RALA: variants seen among roughly 807,000 people sequenced by gnomAD.
The protein encoded by RALA is ras-related protein Ral-A.
RALA carries 5 observed loss-of-function variants against 24.0 expected under a neutral mutation model. The ratio of observed to expected loss-of-function variants is 0.21; its 90% CI spans 0.11 to 0.44. The LOEUF (loss-of-function observed/expected upper bound fraction) is 0.44. Ranked by LOEUF, RALA falls within the 20% of genes least tolerant of loss-of-function variation. The pLI, the probability that RALA is intolerant of heterozygous loss-of-function variation, is 0.99. For missense variants in RALA, 95 were observed against 241.2 expected (o/e 0.39, Z 4.01); for synonymous variants, 77 against 83.8 (o/e 0.92, Z 0.44).
intron 1 of RALA, among the ~76,000 whole-genome samples, chr7:39,684,728 A>AAT (rs61494561): frequency 6.6e-6 from 1 of 150,808 alleles, no homozygotes; most frequent in Non-Finnish European, 1.5e-5. Flanking sequence ...AAAAAAAAAA[A>AAT]GAAAAAAAAA....
chr7:39,662,994 T>C (rs573910877), intron 1 of RALA, among the ~76,000 whole-genome samples: 5 of 152,304 alleles, frequency 3.3e-5, no homozygotes, highest in African/African-American at 7.2e-5. Context: ...AAGGCACATC[T>C]TACATGGTGG....
At chr7:39,631,929 G>A (rs1331882646) in intron 1 of RALA, among the ~76,000 whole-genome samples, 1 of 152,158 alleles carries the variant, frequency 6.6e-6, no homozygotes, top group East Asian at 1.9e-4. Context: ...TCTGCTTGGC[G>A]AGTTGAGGCC....
At chr7:39,654,504 CT>C (rs1304181626) in intron 1 of RALA, among the ~76,000 whole-genome samples, 1 of 152,080 alleles carries the variant, frequency 6.6e-6, no homozygotes, top group Non-Finnish European at 1.5e-5. Flanking sequence ...GTGACTTATC[CT>C]TTCATTTTCT....
intron 1 of RALA, among the ~76,000 whole-genome samples, chr7:39,664,812 A>G (rs1792255733): frequency 6.6e-6 from 1 of 152,116 alleles, no homozygotes; most frequent in African/African-American, 2.4e-5. Flanking sequence ...GTGCCAAAAA[A>G]AAAAAATAGT....
At position 39,651,917 on chromosome 7, in the gene RALA, G is replaced by A. The variant is rs187907220; in HGVS notation, c.-38+28092G>A. On this transcript the variant is annotated intron_variant, in intron 1 of 4. Transcript: ENST00000005257. ...TAATGTTACAATAAATATTCTTATC[G>A]CTAATTTTCTATGGATAATCATGAC... is the stretch of plus-strand genomic sequence containing the variant. Among the ~76,000 whole-genome samples, 73 of 151,994 alleles carry A rather than the reference G, an allele frequency of 4.8e-4. No homozygotes were observed. The East Asian group carries it at 5.6e-3, about 12-fold the overall frequency.
chr7:39,626,001 T>C (rs988628508), intron 1 of RALA, among the ~76,000 whole-genome samples: 4 of 152,226 alleles, frequency 2.6e-5, no homozygotes, highest in Non-Finnish European at 5.9e-5. Flanking sequence ...ACTTTTAAAA[T>C]ACTGGAATAA....
chr7:39,631,032 G>C (rs1299342792), intron 1 of RALA, among the ~76,000 whole-genome samples: 4 of 146,900 alleles, frequency 2.7e-5, no homozygotes, highest in Non-Finnish European at 5.9e-5. Context: ...TTTTGAGACA[G>C]AGTTTCACTG....
At chr7:39,678,474 GGTGTA>G (rs1376401056) in intron 1 of RALA, among the ~76,000 whole-genome samples, 1 of 152,198 alleles carries the variant, frequency 6.6e-6, no homozygotes, top group African/African-American at 2.4e-5. Context: ...GTATGAGCAT[GGTGTA>G]GTTGTCTAGT....
chr7:39,692,876 T>C (rs1792847794), intron 3 of RALA, among the ~76,000 whole-genome samples: 1 of 152,140 alleles, frequency 6.6e-6, no homozygotes, highest in South Asian at 2.1e-4. Context: ...TAGTTGTTGT[T>C]AACAGCTTCA....
intron 1 of RALA, among the ~76,000 whole-genome samples, chr7:39,668,667 G>T (rs755210570): frequency 4.6e-5 from 7 of 151,496 alleles, no homozygotes; most frequent in East Asian, 1.9e-4. Flanking sequence ...GCATGGTGGC[G>T]CATGCCTGTA....
At chr7:39,631,030 C>CA (rs1791589183) in intron 1 of RALA, among the ~76,000 whole-genome samples, 2 of 144,820 alleles carry the variant, frequency 1.4e-5, no homozygotes, top group Non-Finnish European at 3.0e-5. Context: ...TTTTTTGAGA[C>CA]AGAGTTTCAC....
chr7:39,702,748 G>A (rs1793049940), intron 4 of RALA, among the ~76,000 whole-genome samples: 1 of 152,198 alleles, frequency 6.6e-6, no homozygotes, highest in African/African-American at 2.4e-5. Context: ...AGTGAAATAA[G>A]CCAGGAACAG....
chr7:39,642,341 A>C (rs1299533742), intron 1 of RALA, among the ~76,000 whole-genome samples: 2 of 152,128 alleles, frequency 1.3e-5, no homozygotes, highest in Admixed American at 1.3e-4. Context: ...ATATAGGGGG[A>C]AAGTAAAGGA....
chr7:39,707,347 T>G lies in RALA; in HGVS notation c.*1102T>G, dbSNP rs371697115. 6.6e-6 allele frequency: 1 copy of G among 152,226 alleles called. No homozygotes were observed. Among genetic ancestry groups the G allele is most frequent in the Admixed American group, 6.5e-5 (1 of 15,282 alleles). 9.4% of individuals were successfully genotyped at this position (152,226 alleles called of 1,614,324 possible). A position where few individuals can be genotyped will look rare whatever the true frequency, so the allele number is the denominator to read the frequency against. On this transcript the variant is annotated 3_prime_UTR_variant, in exon 5 of 5. Coordinates refer to ENST00000005257, the MANE Select transcript of RALA (RefSeq NM_005402.4). ...GCTTGCCATCTGTTCATTTCTAAAT[T>G]TATATTCATAAAGTTACAGTTTGAT... is the stretch of plus-strand genomic sequence containing the variant.
chr7:39,681,302 CTTTTTTTTTTTTTTTT>C (rs70996832), intron 1 of RALA, among the ~76,000 whole-genome samples: 3 of 50,006 alleles, frequency 6.0e-5, no homozygotes, highest in Admixed American at 3.5e-4. Context: ...CACCCTATTC[CTTTTTTTTTTTTTTTT>C]TTTTTTTTTT....
chr7:39,687,503 T>G (rs555498316), intron 2 of RALA, among the ~76,000 whole-genome samples: 2 of 152,260 alleles, frequency 1.3e-5, no homozygotes, highest in Admixed American at 6.5e-5. Context: ...ACTACATTCA[T>G]CATTAAGCAG....
intron 3 of RALA, among the ~76,000 whole-genome samples, chr7:39,693,568 T>TA (rs1401629310): frequency 2.0e-5 from 3 of 151,714 alleles, no homozygotes; most frequent in Non-Finnish European, 2.9e-5. Flanking sequence ...AAAGTATAAT[T>TA]AAAAAAAGAA....
chr7:39,683,655 C>T (rs1792645145), intron 1 of RALA, among the ~76,000 whole-genome samples: 1 of 152,078 alleles, frequency 6.6e-6, no homozygotes, highest in South Asian at 2.1e-4. Context: ...AGCTTCTTTT[C>T]CTGGATAGCC....
intron 1 of RALA, among the ~76,000 whole-genome samples, chr7:39,642,061 CAA>C (rs1016122520): frequency 7.9e-5 from 12 of 152,228 alleles, no homozygotes; most frequent in African/African-American, 1.7e-4. Context: ...TTTTTCTACC[CAA>C]GAGAGAGACT....
Sources: allele counts gnomAD v4.1 joint callset (sites outside exome capture counted in the v4.1 genomes callset), GRCh38; gene constraint gnomAD v4.1.1; transcripts MANE v1.5; gene names NCBI Gene and HGNC (gene_info 2026-07-23, HGNC 2026-07-21).